Variants in OSBPL8 observed in about 807,000 individuals in gnomAD.
The protein encoded by OSBPL8 is oxysterol-binding protein-related protein 8.
OSBPL8 carries 59 observed loss-of-function variants against 125.5 expected under a neutral mutation model. The ratio of observed to expected loss-of-function variants is 0.47; its 90% CI spans 0.38 to 0.58. The LOEUF (loss-of-function observed/expected upper bound fraction) is 0.58, where lower values mean the gene tolerates loss of function less well. OSBPL8 is among the 20% of genes least tolerant of loss of function. The pLI, the probability that OSBPL8 is intolerant of heterozygous loss-of-function variation, is 0.00. For synonymous variants in OSBPL8, 330 were observed against 338.9 expected (o/e 0.97, Z 0.29); for missense variants, 758 against 1,047.8 (o/e 0.72, Z 3.82).
At chr12:76,483,483 G>C (rs1055845847) in intron 2 of OSBPL8, among the ~76,000 whole-genome samples, 5 of 145,518 alleles carry the variant, frequency 3.4e-5, no homozygotes, top group Non-Finnish European at 6.0e-5. Context: ...CAAACTGCTT[G>C]AATCAGGGAG....
At chr12:76,397,608 G>A (rs963214320) in intron 8 of OSBPL8, 86 bp downstream of exon 8, 4 of 1,293,878 alleles carry the variant, frequency 3.1e-6, no homozygotes, top group Non-Finnish European at 4.3e-6. Flanking sequence ...CCTGGCAGAG[G>A]ACTAAACTCA....
chr12:76,528,998 T>C (rs1016996291), intron 1 of OSBPL8, among the ~76,000 whole-genome samples: 2 of 152,208 alleles, frequency 1.3e-5, no homozygotes, highest in African/African-American at 4.8e-5. Context: ...AGGGGTAGTG[T>C]GGTCTACCTC....
intron 15 of OSBPL8, 109 bp downstream of exon 15, chr12:76,384,145 A>T: frequency 1.9e-6 from 1 of 534,278 alleles, no homozygotes. Flanking sequence ...GATGATACTT[A>T]AAATGACAAA....
At chr12:76,399,303 T>G (rs993651564) in intron 7 of OSBPL8, among the ~76,000 whole-genome samples, 1 of 151,800 alleles carries the variant, frequency 6.6e-6, no homozygotes, top group African/African-American at 2.4e-5. Flanking sequence ...ACTCTTAAAC[T>G]CAGGATTCCT....
intron 9 of OSBPL8, among the ~76,000 whole-genome samples, chr12:76,392,955 T>C (rs1209850128): frequency 6.6e-6 from 1 of 152,222 alleles, no homozygotes; most frequent in Non-Finnish European, 1.5e-5. Flanking sequence ...GATAAATGAA[T>C]AGTATACAGC....
intron 9 of OSBPL8, 83 bp downstream of exon 9, chr12:76,394,562 T>C: frequency 2.1e-6 from 2 of 957,854 alleles, no homozygotes; most frequent in Non-Finnish European, 3.2e-6. Context: ...TAAAAATATA[T>C]TTCCCCAGAA....
intron 4 of OSBPL8, among the ~76,000 whole-genome samples, chr12:76,437,690 T>A (rs1400959870): frequency 6.6e-6 from 1 of 152,154 alleles, no homozygotes; most frequent in Non-Finnish European, 1.5e-5. Context: ...TTGAAAAAAA[T>A]CCTGTTGAGA....
intron 1 of OSBPL8, among the ~76,000 whole-genome samples, chr12:76,494,509 T>C (rs1938211266): frequency 6.6e-6 from 1 of 152,172 alleles, no homozygotes; most frequent in South Asian, 2.1e-4. Context: ...GAGAATATGA[T>C]ACAAGAATGA....
chr12:76,546,065 ACGCAGGTTC>A (rs945129060), intron 1 of OSBPL8, among the ~76,000 whole-genome samples: 1 of 152,204 alleles, frequency 6.6e-6, no homozygotes, highest in African/African-American at 2.4e-5. Context: ...CATTTACAAT[ACGCAGGTTC>A]CGCAGGGCCA....
At chr12:76,413,773 T>C (rs968370604) in intron 4 of OSBPL8, among the ~76,000 whole-genome samples, 1 of 152,040 alleles carries the variant, frequency 6.6e-6, no homozygotes, top group African/African-American at 2.4e-5. Flanking sequence ...AGACCTTTTG[T>C]ACATTAAAAA....
chr12:76,447,301 G>T (rs556964817), intron 4 of OSBPL8, among the ~76,000 whole-genome samples: 1 of 152,248 alleles, frequency 6.6e-6, no homozygotes, highest in South Asian at 2.1e-4. Context: ...TACCAATCTT[G>T]TATCACTAGC....
intron 4 of OSBPL8, among the ~76,000 whole-genome samples, chr12:76,432,432 T>C (rs1239463996): frequency 6.6e-6 from 1 of 152,050 alleles, no homozygotes; most frequent in Non-Finnish European, 1.5e-5. Flanking sequence ...ATTTTAAAAA[T>C]TAGCCGGGTG....
intron 1 of OSBPL8, among the ~76,000 whole-genome samples, chr12:76,552,969 C>T (rs1050651025): frequency 3.3e-5 from 5 of 152,154 alleles, no homozygotes; most frequent in South Asian, 2.1e-4. Context: ...TCTTTACTTC[C>T]AAATTGCTGA....
chr12:76,417,157 A>G (rs17197322), intron 4 of OSBPL8, among the ~76,000 whole-genome samples: 24,243 of 152,164 alleles, frequency 0.16, 2,253 homozygotes, highest in Middle Eastern at 0.24. Flanking sequence ...ATTTGCCCAT[A>G]TAGCCCTTGC....
At chr12:76,468,148 G>A (rs1875689877) in intron 2 of OSBPL8, among the ~76,000 whole-genome samples, 2 of 152,050 alleles carry the variant, frequency 1.3e-5, no homozygotes, top group Non-Finnish European at 2.9e-5. Flanking sequence ...ACTAAGAAAG[G>A]ACCTAGAAAA....
chr12:76,432,390 G>C (rs1356747821), intron 4 of OSBPL8, among the ~76,000 whole-genome samples: 1 of 151,958 alleles, frequency 6.6e-6, no homozygotes, highest in Admixed American at 6.6e-5. Flanking sequence ...AATCAGCCAG[G>C]GCAACCCAGC....
chr12:76,520,830 T>C (rs1450137160), intron 1 of OSBPL8, among the ~76,000 whole-genome samples: 1 of 152,160 alleles, frequency 6.6e-6, no homozygotes, highest in African/African-American at 2.4e-5. Flanking sequence ...AGATTGACAA[T>C]TTGCATTTAA....
At position 76,517,000 on chromosome 12, in the gene OSBPL8, G is replaced by A. The variant is rs559393639; in HGVS notation, c.-67-29382C>T. 2.0e-5 allele frequency among the ~76,000 whole-genome samples: 3 copies of A among 152,086 alleles called. No homozygotes were observed. The South Asian group carries it at 6.2e-4, about 32-fold the overall frequency. ...AGCTAATTTTTGTATTTTTAGTAGC[G>A]ATGGGGTTTCACCATGTTAGCCAGC... On this transcript the variant is annotated intron_variant, in intron 1 of 23. Transcript: ENST00000261183.
At chr12:76,431,817 T>TA (rs1302701874) in intron 4 of OSBPL8, among the ~76,000 whole-genome samples, 1 of 151,810 alleles carries the variant, frequency 6.6e-6, no homozygotes, top group Non-Finnish European at 1.5e-5. Flanking sequence ...AATACTCCAC[T>TA]TTTTTTTAGT....
Sources: allele counts gnomAD v4.1 joint callset (sites outside exome capture counted in the v4.1 genomes callset), GRCh38; gene constraint gnomAD v4.1.1; transcripts MANE v1.5; gene names NCBI Gene and HGNC (gene_info 2026-07-23, HGNC 2026-07-21).